BMPR1B: variants seen among roughly 807,000 people sequenced by gnomAD.
The protein encoded by BMPR1B is bone morphogenetic protein receptor type 1B.
BMPR1B carries 12 observed loss-of-function variants against 59.1 expected under a neutral mutation model. The observed-to-expected ratio is 0.20, with a 90% CI of 0.13 to 0.33. BMPR1B has a LOEUF of 0.33. Among genes scored for constraint, BMPR1B ranks in the 10% least tolerant of loss-of-function variants. The pLI is 1.00. For missense variants in BMPR1B, 550 were observed against 610.9 expected, an observed-to-expected ratio of 0.90 and a Z score of 1.05; for synonymous variants, 237 against 207.3, an observed-to-expected ratio of 1.14 and a Z score of -1.23.
chr4:95,001,166 A>G (rs1722419393), intron 3 of BMPR1B, among the ~76,000 whole-genome samples: 1 of 152,164 alleles, frequency 6.6e-6, no homozygotes, highest in South Asian at 2.1e-4. Flanking sequence ...ATATGTATAC[A>G]TGTGCTATGT....
intron 2 of BMPR1B, among the ~76,000 whole-genome samples, chr4:94,902,306 AAAAC>A (rs1727863961): frequency 6.7e-6 from 1 of 149,252 alleles, no homozygotes; most frequent in Non-Finnish European, 1.5e-5. Context: ...GATGGGGAAA[AAAAC>A]AAACTGGAAA....
At chr4:94,766,958 T>C (rs1316455527) in intron 1 of BMPR1B, among the ~76,000 whole-genome samples, 1 of 152,188 alleles carries the variant, frequency 6.6e-6, no homozygotes, top group Admixed American at 6.5e-5. Context: ...TTCTCCCTTA[T>C]TTTAAGTATT....
intron 3 of BMPR1B, among the ~76,000 whole-genome samples, chr4:95,041,739 C>T (rs564484538): frequency 6.6e-6 from 1 of 152,176 alleles, no homozygotes; most frequent in Admixed American, 6.5e-5. Context: ...TAGGCATACA[C>T]AGTATTCTTA....
At chr4:95,139,198 T>C (rs1034459034) in intron 10 of BMPR1B, among the ~76,000 whole-genome samples, 1 of 152,206 alleles carries the variant, frequency 6.6e-6, no homozygotes, top group Non-Finnish European at 1.5e-5. Flanking sequence ...CCTGTTTGCC[T>C]GGGTATCACC....
At chr4:94,765,800 C>T (rs891106147) in intron 1 of BMPR1B, among the ~76,000 whole-genome samples, 7 of 152,136 alleles carry the variant, frequency 4.6e-5, no homozygotes, top group Non-Finnish European at 5.9e-5. Context: ...CAGTGTGTTT[C>T]ATGGAACAGT....
rs1725520521 is a variant in BMPR1B at position 95,039,769 on chromosome 4, A to G, written c.-18+43635A>G. On this transcript the variant is annotated intron_variant, in intron 3 of 12. Transcript: ENST00000515059. ...AAAACATTATGAGATTTTTTTTGCA[A>G]TTTTTTTTAGCTCATCAGTGTAGTG... 2.0e-5 allele frequency among the ~76,000 whole-genome samples: 3 copies of G among 151,530 alleles called. No homozygotes were observed. The South Asian group carries it at 6.3e-4, about 32-fold the overall frequency.
At chr4:95,124,506 AAAACTTAAGT>A (rs1377090394) in intron 7 of BMPR1B, among the ~76,000 whole-genome samples, 47 of 152,190 alleles carry the variant, frequency 3.1e-4, no homozygotes, top group African/African-American at 1.1e-3. Flanking sequence ...TTTCTAATTG[AAAACTTAAGT>A]ATTGACAAAA....
At chr4:95,031,958 G>A (rs1243248238) in intron 3 of BMPR1B, among the ~76,000 whole-genome samples, 1 of 151,984 alleles carries the variant, frequency 6.6e-6, no homozygotes, top group African/African-American at 2.4e-5. Context: ...GTAACATAAC[G>A]ATTCTCATCT....
intron 1 of BMPR1B, among the ~76,000 whole-genome samples, chr4:94,770,764 T>C (rs1214841759): frequency 6.6e-6 from 1 of 151,928 alleles, no homozygotes; most frequent in East Asian, 1.9e-4. Flanking sequence ...CTCAGTTCAT[T>C]ATAATAACTT....
chr4:94,924,434 G>A (rs1379404292), intron 2 of BMPR1B, among the ~76,000 whole-genome samples: 2 of 152,054 alleles, frequency 1.3e-5, no homozygotes, highest in African/African-American at 2.4e-5. Flanking sequence ...ATACTTGGGG[G>A]CATTTTTCAT....
At chr4:95,097,828 G>A (rs1030974005) in intron 3 of BMPR1B, among the ~76,000 whole-genome samples, 1 of 152,104 alleles carries the variant, frequency 6.6e-6, no homozygotes, top group African/African-American at 2.4e-5. Flanking sequence ...AAGCCACCGC[G>A]CCCAGCCTGA....
chr4:94,829,044 TG>T (rs1447918508), intron 1 of BMPR1B, among the ~76,000 whole-genome samples: 1 of 151,206 alleles, frequency 6.6e-6, no homozygotes, highest in East Asian at 1.9e-4. Flanking sequence ...TGTGGTATAA[TG>T]AAAAAGGTGT....
intron 2 of BMPR1B, among the ~76,000 whole-genome samples, chr4:94,938,822 A>G (rs1205132520): frequency 6.6e-5 from 10 of 152,160 alleles, no homozygotes; most frequent in African/African-American, 9.7e-5. Context: ...CCTGGGCAAC[A>G]CTGCCAGACC....
At chr4:95,007,044 C>A (rs1174268323) in intron 3 of BMPR1B, among the ~76,000 whole-genome samples, 7 of 152,126 alleles carry the variant, frequency 4.6e-5, no homozygotes, top group Non-Finnish European at 1.0e-4. Context: ...TATTTACGAA[C>A]ATTAATACAT....
intron 1 of BMPR1B, among the ~76,000 whole-genome samples, chr4:94,824,857 T>C (rs10016377): frequency 0.79 from 119,938 of 152,054 alleles, 47,581 homozygotes; most frequent in East Asian, 0.91. Flanking sequence ...TGTCTAGTTT[T>C]TGTGTTTTAC....
chr4:94,993,120 G>A (rs1276422887), intron 2 of BMPR1B, among the ~76,000 whole-genome samples: 1 of 151,964 alleles, frequency 6.6e-6, no homozygotes, highest in East Asian at 1.9e-4. Flanking sequence ...CGAACTTCTG[G>A]CCTCAAGAAA....
At chr4:94,925,432 G>C (rs1728847050) in intron 2 of BMPR1B, among the ~76,000 whole-genome samples, 1 of 152,128 alleles carries the variant, frequency 6.6e-6, no homozygotes, top group South Asian at 2.1e-4. Context: ...TAAGTAGTCT[G>C]TTTTGATATA....
In BMPR1B at chr4:94,838,008, T is replaced by G. The variant is rs1254821450; in HGVS notation, c.-182-37823T>G. 2.9e-5 allele frequency among the ~76,000 whole-genome samples: 4 copies of G among 138,358 alleles called. 1 individual carries two copies. The highest frequency in any genetic ancestry group is 1.1e-4 in the African/African-American group (4 of 36,226). The allele number at this position is 138,358 out of a possible 152,430, so 90.8% of individuals were successfully genotyped here. A position where few individuals can be genotyped will look rare whatever the true frequency, so the allele number is the denominator to read the frequency against. On this transcript the variant is annotated intron_variant, in intron 1 of 12. Transcript: ENST00000515059. ...TGTCAAAGGCTTTTTCTGCATCTAT[T>G]GAGATAATCATGTGGTTTTTGTCTT... is the stretch of plus-strand genomic sequence containing the variant.
At chr4:94,806,971 T>C (rs1462557151) in intron 1 of BMPR1B, among the ~76,000 whole-genome samples, 1 of 152,130 alleles carries the variant, frequency 6.6e-6, no homozygotes, top group Non-Finnish European at 1.5e-5. Flanking sequence ...AAATAATAAA[T>C]AGTAGATTGT....
Sources: gnomAD v4.1 joint callset for allele counts (sites outside exome capture counted in the v4.1 genomes callset) on GRCh38, gnomAD v4.1.1 for gene constraint, MANE v1.5 for transcripts, NCBI Gene and HGNC (gene_info 2026-07-23, HGNC 2026-07-21) for gene names.